Variants in CCSER1 observed in about 807,000 individuals in gnomAD.
The protein encoded by CCSER1 is coiled-coil serine rich protein 1, also known as serine-rich coiled-coil domain-containing protein 1.
CCSER1 carries 41 observed loss-of-function variants against 82.0 expected under a neutral mutation model. That is an observed-to-expected ratio of 0.50 (90% CI 0.39 to 0.65). The LOEUF is 0.65. CCSER1 is among the 30% of genes least tolerant of loss of function. The pLI is 0.00. For synonymous variants in CCSER1, 414 were observed against 383.9 expected (o/e 1.08, Z -0.92); for missense variants, 1,119 against 1,064.2 (o/e 1.05, Z -0.72).
intron 8 of CCSER1, among the ~76,000 whole-genome samples, chr4:90,883,874 G>A (rs1721715436): frequency 6.6e-5 from 10 of 152,118 alleles, no homozygotes; most frequent in Admixed American, 6.6e-4. Flanking sequence ...TGGAGAGAAA[G>A]AAAGAAGGAG....
intron 9 of CCSER1, among the ~76,000 whole-genome samples, chr4:90,930,939 TACACATGAC>T (rs1729699391): frequency 3.7e-5 from 5 of 135,076 alleles, no homozygotes; most frequent in East Asian, 2.1e-4. Context: ...TATATATATA[TACACATGAC>T]ATATATATAC....
intron 10 of CCSER1, among the ~76,000 whole-genome samples, chr4:91,278,961 T>A (rs1742689966): frequency 6.6e-6 from 1 of 152,200 alleles, no homozygotes; most frequent in Non-Finnish European, 1.5e-5. Context: ...CTAGTGGTTA[T>A]GAATTCCCTC....
intron 10 of CCSER1, among the ~76,000 whole-genome samples, chr4:91,340,261 C>T (rs1341015225): frequency 6.6e-6 from 1 of 152,088 alleles, no homozygotes; most frequent in Non-Finnish European, 1.5e-5. Context: ...TCTTATTGTA[C>T]TACATTGTGA....
intron 6 of CCSER1, among the ~76,000 whole-genome samples, chr4:90,656,427 C>T (rs1278908692): frequency 1.3e-5 from 2 of 150,996 alleles, no homozygotes; most frequent in Admixed American, 1.3e-4. Context: ...AATAAATATT[C>T]TGGTGTTAAT....
chr4:90,956,774 T>A (rs1733478093), intron 9 of CCSER1, among the ~76,000 whole-genome samples: 2 of 151,364 alleles, frequency 1.3e-5, no homozygotes, highest in Admixed American at 1.3e-4. Context: ...TTCTTTTTTT[T>A]TTTTTTTTCT....
intron 10 of CCSER1, among the ~76,000 whole-genome samples, chr4:91,115,859 A>AT (rs371115368): frequency 0.039 from 4,012 of 102,164 alleles, 93 homozygotes; most frequent in African/African-American, 0.045. Context: ...ATATATATAT[A>AT]TTTTTTTTTA....
At chr4:91,164,436 T>C (rs1256828723) in intron 10 of CCSER1, among the ~76,000 whole-genome samples, 2 of 152,130 alleles carry the variant, frequency 1.3e-5, no homozygotes, top group Non-Finnish European at 2.9e-5. Context: ...AGGAGGATCT[T>C]TGTGGTATTC....
At chr4:91,215,821 A>G (rs1207803995) in intron 10 of CCSER1, among the ~76,000 whole-genome samples, 4 of 152,182 alleles carry the variant, frequency 2.6e-5, no homozygotes, top group African/African-American at 9.7e-5. Flanking sequence ...GAAGAACCCA[A>G]TGATGATCTA....
intron 7 of CCSER1, among the ~76,000 whole-genome samples, chr4:90,810,662 A>ACAG (rs1355564902): frequency 1.3e-4 from 19 of 150,976 alleles, no homozygotes; most frequent in African/African-American, 2.9e-4. Context: ...AACAACAACA[A>ACAG]CAACAACAAC....
At chr4:91,168,022 G>A (rs1439334891) in intron 10 of CCSER1, among the ~76,000 whole-genome samples, 2 of 149,816 alleles carry the variant, frequency 1.3e-5, no homozygotes, top group African/African-American at 4.9e-5. Flanking sequence ...CCTCTGCCCG[G>A]CCGCCCCATC....
chr4:91,184,702 G>A (rs1039128071), intron 10 of CCSER1, among the ~76,000 whole-genome samples: 15 of 152,076 alleles, frequency 9.9e-5, no homozygotes, highest in South Asian at 4.1e-4. Flanking sequence ...AACAATGGCC[G>A]CCATCAAAAA....
At chr4:90,428,941 G>T (rs1243363947) in intron 4 of CCSER1, among the ~76,000 whole-genome samples, 2 of 151,750 alleles carry the variant, frequency 1.3e-5, no homozygotes, top group African/African-American at 4.8e-5. Context: ...ATAGCAGAGG[G>T]ATATTAGGTA....
chr4:91,527,614 T>A (rs568501162), intron 10 of CCSER1, among the ~76,000 whole-genome samples: 1 of 152,296 alleles, frequency 6.6e-6, no homozygotes, highest in African/African-American at 2.4e-5. Context: ...GAGACAGATA[T>A]AACAGTGACA....
chr4:90,858,166 C>T (rs1236544247), intron 8 of CCSER1, among the ~76,000 whole-genome samples: 1 of 152,038 alleles, frequency 6.6e-6, no homozygotes, highest in East Asian at 1.9e-4. Flanking sequence ...AGAGAACTCA[C>T]TTTATCTCTT....
intron 10 of CCSER1, among the ~76,000 whole-genome samples, chr4:91,353,731 A>G (rs1175927439): frequency 1.3e-5 from 2 of 151,994 alleles, no homozygotes; most frequent in East Asian, 3.8e-4. Context: ...TGGTGAACTA[A>G]GGTAGCGATG....
chr4:91,220,781 G>A (rs62311962), intron 10 of CCSER1, among the ~76,000 whole-genome samples: 8,825 of 151,976 alleles, frequency 0.058, 504 homozygotes, highest in African/African-American at 0.15. Context: ...AAGAAAAGAA[G>A]GAAAATTTAA....
At chr4:91,588,006 T>G (rs1404052539) in intron 10 of CCSER1, among the ~76,000 whole-genome samples, 1 of 151,486 alleles carries the variant, frequency 6.6e-6, no homozygotes, top group African/African-American at 2.4e-5. Flanking sequence ...TGAAAATAAT[T>G]GACAATAAAA....
At chr4:90,688,392 C>G (rs1579932503) in intron 6 of CCSER1, among the ~76,000 whole-genome samples, 1 of 152,198 alleles carries the variant, frequency 6.6e-6, no homozygotes, top group African/African-American at 2.4e-5. Flanking sequence ...CACTAAATTT[C>G]TGTAAAACAA....
intron 10 of CCSER1, among the ~76,000 whole-genome samples, chr4:91,463,723 C>A (rs1281977374): frequency 6.6e-6 from 1 of 152,108 alleles, no homozygotes; most frequent in Non-Finnish European, 1.5e-5. Flanking sequence ...GCTTCAGAAG[C>A]TGATTCGATC....
Sources: gnomAD v4.1 joint callset for allele counts (sites outside exome capture counted in the v4.1 genomes callset) on GRCh38, gnomAD v4.1.1 for gene constraint, MANE v1.5 for transcripts, NCBI Gene and HGNC (gene_info 2026-07-23, HGNC 2026-07-21) for gene names.